Variants in OSBPL5 observed in about 807,000 individuals in gnomAD.
OSBPL5 encodes oxysterol binding protein like 5, also known as oxysterol-binding protein-related protein 5.
Under a neutral mutation model 111.2 loss-of-function variants are expected in OSBPL5, and 71 were observed. The ratio of observed to expected loss-of-function variants is 0.64; its 90% CI spans 0.53 to 0.78. OSBPL5 has a LOEUF of 0.78. Among genes scored for constraint, OSBPL5 ranks in the 30% least tolerant of loss-of-function variants. The pLI is 0.00. For missense variants in OSBPL5, 1,210 were observed against 1,189.3 expected (o/e 1.02, Z -0.26); for synonymous variants, 549 against 513.9 (o/e 1.07, Z -0.93).
At chr11:3,151,007 C>A (rs780904559) in intron 1 of OSBPL5, among the ~76,000 whole-genome samples, 16 of 152,238 alleles carry the variant, frequency 1.1e-4, no homozygotes, top group Admixed American at 5.2e-4. Flanking sequence ...TACCTGTGAC[C>A]CTGACCTTGG....
chr11:3,094,586 C>G (rs912678348), intron 14 of OSBPL5: 1 of 482,190 alleles, frequency 2.1e-6, no homozygotes, highest in Non-Finnish European at 3.8e-6. Flanking sequence ...CTGGGAGGCA[C>G]GCCTGGTCCC....
chr11:3,102,353 G>A (rs1330220273), intron 11 of OSBPL5, 72 bp from the exon 12 acceptor site: 17 of 1,428,982 alleles, frequency 1.2e-5, no homozygotes, highest in Admixed American at 2.0e-5. Flanking sequence ...GGTGAGGGAT[G>A]TGGACGGAGG....
intron 12 of OSBPL5, 146 bp downstream of exon 12, chr11:3,102,037 C>A (rs1045921384): frequency 3.2e-5 from 24 of 754,090 alleles, no homozygotes; most frequent in Non-Finnish European, 4.5e-5. Context: ...GGGTCCACAG[C>A]CCTTCCGGTG....
chr11:3,133,073 T>C (rs1009568796), intron 1 of OSBPL5, among the ~76,000 whole-genome samples: 1 of 152,176 alleles, frequency 6.6e-6, no homozygotes, highest in African/African-American at 2.4e-5. Context: ...TGAGCAGGGT[T>C]AGTTTTAGGG....
intron 3 of OSBPL5, among the ~76,000 whole-genome samples, chr11:3,123,135 G>A (rs966550172): frequency 6.6e-6 from 1 of 152,210 alleles, no homozygotes; most frequent in African/African-American, 2.4e-5. Flanking sequence ...GTGGCTGACT[G>A]CACGGGCCCA....
Position 3,129,724 on chromosome 11 carries a change from T to C in OSBPL5, c.-21-555A>G, listed in dbSNP as rs114673153. ...CGCCTCGCCTCTGGTTAAGCCCGCC[T>C]GAAGCTTGGGTGCCCCAACAGTTTC... On this transcript the variant is annotated intron_variant, in intron 1 of 21. Transcript: ENST00000263650. Among the ~76,000 whole-genome samples the C allele has an allele frequency of 2.6e-3, 391 of 152,336 alleles. 4 individuals carry two copies. Among genetic ancestry groups the C allele is most frequent in the African/African-American group, 9.2e-3 (382 of 41,584 alleles).
intron 14 of OSBPL5, among the ~76,000 whole-genome samples, chr11:3,095,213 C>T (rs1476979851): frequency 2.0e-5 from 3 of 150,770 alleles, no homozygotes; most frequent in Non-Finnish European, 2.9e-5. Flanking sequence ...GGTCTCCAGG[C>T]TCCACGGAGA....
Position 3,129,016 on chromosome 11 carries a change from G to T in OSBPL5, c.133C>A (p.Pro45Thr). The T allele has an allele frequency of 6.3e-7, 1 of 1,576,696 alleles. No individual in the cohort carries two copies. The highest frequency in any genetic ancestry group is 2.4e-5 in the East Asian group (1 of 41,478). ...SGDNELYPLSPGKDMEPNGPS... is the reference protein window; with the variant it reads ...SGDNELYPLSTGKDMEPNGPS... ...CCTGCCCACGGCCGGCACTTACCTG[G>T]GCTGAGTGGGTAGAGCTCATTGTCT... The change falls in exon 2 of 22, where the codon CCA becomes ACA. Residue 45 changes from proline to threonine, a missense_variant. Transcript: ENST00000263650.
intron 1 of OSBPL5, among the ~76,000 whole-genome samples, chr11:3,158,894 G>A (rs970083823): frequency 6.6e-6 from 1 of 152,212 alleles, no homozygotes; most frequent in Non-Finnish European, 1.5e-5. Context: ...TTCCCTTCTC[G>A]GTTCCTGCCG....
chr11:3,155,711 T>C (rs983958384), intron 1 of OSBPL5, among the ~76,000 whole-genome samples: 1 of 152,248 alleles, frequency 6.6e-6, no homozygotes, highest in Non-Finnish European at 1.5e-5. Flanking sequence ...AGTGGCCGGA[T>C]GGCCAGGGCA....
rs372637161 is a variant in OSBPL5, at chr11:3,089,947, G to T, written c.2400C>A (p.Gly800=). 1.9e-6 allele frequency: 3 copies of T among 1,540,212 alleles called. No homozygotes were observed. The change falls in exon 21 of 22, where the codon GGC becomes GGA. Residue 800 remains glycine, a splice_region_variant and synonymous_variant. Transcript: ENST00000263650. ...DEEQDGDFVP[G]GESPCPRCRK... ...TGCACCGAGGGCATGGGCTCTCACC[G>T]CCTGGGACGGCCCCGAGTGAGACAA...
intron 1 of OSBPL5, among the ~76,000 whole-genome samples, chr11:3,151,937 C>T (rs1157601703): frequency 5.9e-5 from 9 of 152,260 alleles, no homozygotes; most frequent in Non-Finnish European, 1.5e-5. Context: ...CACTGAAGGC[C>T]CCCCTCTGCC....
chr11:3,130,046 C>A lies in OSBPL5; in HGVS notation c.-21-877G>T, dbSNP rs1224533978. 6.6e-6 allele frequency among the ~76,000 whole-genome samples: 1 copy of A among 152,252 alleles called. No homozygotes were observed. The highest frequency in any genetic ancestry group is 2.4e-5 in the African/African-American group (1 of 41,476). On this transcript the variant is annotated intron_variant, in intron 1 of 21. Coordinates refer to ENST00000263650, the MANE Select transcript of OSBPL5 (RefSeq NM_020896.4). This position sits in a 1 kb window ranked among gnomAD's most constrained non-coding sequence, Gnocchi z 4.5. Reference sequence around the variant, plus strand: ...TCTGTCCTGCTCCCCACCAGCCCTACACCTAGTAGTGCTGGGCCAAGCAGA... The same window carrying A: ...TCTGTCCTGCTCCCCACCAGCCCTAAACCTAGTAGTGCTGGGCCAAGCAGA...
intron 20 of OSBPL5, among the ~76,000 whole-genome samples, chr11:3,090,303 C>T (rs1005651928): frequency 3.3e-5 from 5 of 152,214 alleles, no homozygotes; most frequent in African/African-American, 7.2e-5. Context: ...CCCCTCCCAC[C>T]GCTGGGGAGC....
intron 1 of OSBPL5, among the ~76,000 whole-genome samples, chr11:3,132,556 G>A (rs370374154): frequency 5.3e-5 from 8 of 150,664 alleles, no homozygotes; most frequent in South Asian, 2.1e-4. Context: ...AAGCCCTCCC[G>A]CCACCCCATT....
intron 1 of OSBPL5, among the ~76,000 whole-genome samples, chr11:3,152,912 G>A (rs1021016994): frequency 6.6e-6 from 1 of 152,088 alleles, no homozygotes; most frequent in Non-Finnish European, 1.5e-5. Context: ...TCCTCCTGCC[G>A]CGTCCGTCCG....
At chr11:3,119,384 G>A (rs147025528) in intron 7 of OSBPL5, among the ~76,000 whole-genome samples, 163 bp downstream of exon 7, 1 of 152,360 alleles carries the variant, frequency 6.6e-6, no homozygotes, top group Non-Finnish European at 1.5e-5. Context: ...CTCTGTGAGT[G>A]TAGGCCTGAC....
intron 14 of OSBPL5, chr11:3,094,546 GGGA>G: frequency 4.0e-6 from 1 of 248,302 alleles, no homozygotes; most frequent in Non-Finnish European, 7.1e-6. Context: ...TGCGGAGCCT[GGGA>G]GGTGCGGAGC....
At chr11:3,145,664 C>T (rs1324392647) in intron 1 of OSBPL5, among the ~76,000 whole-genome samples, 1 of 152,172 alleles carries the variant, frequency 6.6e-6, no homozygotes, top group African/African-American at 2.4e-5. Context: ...AGGACATTCA[C>T]AGACTCGCAC....
Sources: gnomAD v4.1 joint callset for allele counts (sites outside exome capture counted in the v4.1 genomes callset) on GRCh38, gnomAD v4.1.1 for gene constraint, Gnocchi (gnomAD v3.1) non-coding constraint, MANE v1.5 for transcripts, NCBI Gene and HGNC (gene_info 2026-07-23, HGNC 2026-07-21) for gene names.